The following UGT1A7 variants were observed in gnomAD, a reference collection of about 807,000 sequenced individuals.
The protein encoded by UGT1A7 is UDP glucuronosyltransferase family 1 member A7.
A neutral mutation model predicts 45.6 loss-of-function variants in UGT1A7; 33 were observed. The observed-to-expected ratio is 0.72, with a 90% CI of 0.55 to 0.97. The LOEUF is 0.97. Among genes scored for constraint, UGT1A7 ranks in the 50% least tolerant of loss-of-function variants. UGT1A7 has a pLI of 0.00. For missense variants in UGT1A7, 684 were observed against 666.2 expected (o/e 1.03, Z -0.29); for synonymous variants, 274 against 250.6 (o/e 1.09, Z -0.88).
intron 1 of UGT1A7, among the ~76,000 whole-genome samples, chr2:233,686,505 G>A (rs1407378140): frequency 6.6e-6 from 1 of 152,032 alleles, no homozygotes; most frequent in Non-Finnish European, 1.5e-5. Context: ...GTGAGCCCAG[G>A]TGGAGCCTCC....
chr2:233,688,373 T>C (rs1414345723), intron 1 of UGT1A7, among the ~76,000 whole-genome samples: 1 of 152,242 alleles, frequency 6.6e-6, no homozygotes, highest in Admixed American at 6.5e-5. Flanking sequence ...TTGTGAACAT[T>C]TGTATACGAT....
Position 233,696,065 on chromosome 2 carries a change from A to G in UGT1A7, c.855+13273A>G, listed in dbSNP as rs189342937. Among the ~76,000 whole-genome samples the G allele has an allele frequency of 2.0e-5, 3 of 152,352 alleles. No individual in the cohort carries two copies. The East Asian group carries it at 5.8e-4, about 29-fold the overall frequency. On this transcript the variant is annotated intron_variant, in intron 1 of 4. Coordinates refer to ENST00000373426, the MANE Select transcript of UGT1A7 (RefSeq NM_019077.3). ...TTGAAGAATGTAAATTAGTACAGCC[A>G]CTATGAAGAACAGTATGGAGAGTCT...
rs1422207500 is a variant in UGT1A7 at position 233,757,556 on chromosome 2, ATATATG to A, written c.856-9472_856-9467del. ...AAGGAATATATATATATATATATATATATATGTATATATGATATAGCTATAGTCTAA... is the reference window on the plus strand; with the variant it reads ...AAGGAATATATATATATATATATATATATATATGATATAGCTATAGTCTAA... On this transcript the variant is annotated intron_variant, in intron 1 of 4. Coordinates refer to ENST00000373426, the MANE Select transcript of UGT1A7 (RefSeq NM_019077.3). Among the ~76,000 whole-genome samples, 673 of 125,374 alleles carry A rather than the reference ATATATG, an allele frequency of 5.4e-3. 74 individuals carry two copies. The highest frequency in any genetic ancestry group is 0.02 in the African/African-American group (631 of 31,024). The allele number at this position is 125,374 out of a possible 152,430, so 82.3% of individuals were successfully genotyped here.
Position 233,682,483 on chromosome 2 carries a change from G to A in UGT1A7, c.546G>A (p.Gln182=), listed in dbSNP as rs1462405712. 2 of 1,613,920 alleles carry A rather than the reference G, an allele frequency of 1.2e-6. No homozygotes were observed. The highest frequency in any genetic ancestry group is 1.1e-5 in the South Asian group (1 of 91,070). ...GCCACTATCTTGAAGAAGGTGCACAGTGCCCTGCTCCTCTTTCCTATGTCC... is the reference window on the plus strand; with the variant it reads ...GCCACTATCTTGAAGAAGGTGCACAATGCCCTGCTCCTCTTTCCTATGTCC... ...IFCHYLEEGA[Q]CPAPLSYVPR... The change falls in exon 1 of 5, where the codon CAG becomes CAA. Residue 182 remains glutamine, a synonymous_variant. Transcript: ENST00000373426.
intron 1 of UGT1A7, among the ~76,000 whole-genome samples, chr2:233,766,079 G>A (rs1159217409): frequency 1.3e-5 from 2 of 152,140 alleles, no homozygotes; most frequent in East Asian, 1.9e-4. Flanking sequence ...CTACCTTGTC[G>A]CAAGGACAGA....
chr2:233,760,910 A>G (rs1375729895), intron 1 of UGT1A7: 2 of 1,614,074 alleles, frequency 1.2e-6, no homozygotes, highest in Non-Finnish European at 1.7e-6. Context: ...ACCTTCCTGC[A>G]GCGGGTGAAG....
chr2:233,684,285 C>T (rs1300653684), intron 1 of UGT1A7, among the ~76,000 whole-genome samples: 1 of 152,198 alleles, frequency 6.6e-6, no homozygotes, highest in African/African-American at 2.4e-5. Context: ...ACATGACTTT[C>T]AGCTCTTGGC....
chr2:233,731,267 C>G (rs969941483), intron 1 of UGT1A7, among the ~76,000 whole-genome samples: 13 of 149,924 alleles, frequency 8.7e-5, no homozygotes, highest in Admixed American at 3.3e-4. Context: ...TGACTGTTGC[C>G]CTTCCAGTTT....
At chr2:233,702,428 C>A (rs1245005959) in intron 1 of UGT1A7, among the ~76,000 whole-genome samples, 1 of 152,062 alleles carries the variant, frequency 6.6e-6, no homozygotes, top group African/African-American at 2.4e-5. Context: ...TTACTTCTTC[C>A]TTTCTAATAA....
chr2:233,714,773 T>G (rs2076411082), intron 1 of UGT1A7, among the ~76,000 whole-genome samples: 1 of 152,258 alleles, frequency 6.6e-6, no homozygotes, highest in African/African-American at 2.4e-5. Flanking sequence ...TATCTCAATT[T>G]GGAATAGCCA....
At chr2:233,753,951 A>G (rs1466645267) in intron 1 of UGT1A7, among the ~76,000 whole-genome samples, 1 of 152,178 alleles carries the variant, frequency 6.6e-6, no homozygotes, top group Non-Finnish European at 1.5e-5. Flanking sequence ...ATGACCTCCA[A>G]AATATTAAGA....
intron 1 of UGT1A7, chr2:233,743,939 C>T: frequency 7.4e-7 from 1 of 1,355,422 alleles, no homozygotes; most frequent in Non-Finnish European, 9.9e-7. Context: ...GAACGGCCCA[C>T]CAGGCACTGG....
chr2:233,719,465 C>T, intron 1 of UGT1A7: 3 of 1,613,994 alleles, frequency 1.9e-6, no homozygotes, highest in Non-Finnish European at 2.5e-6. Flanking sequence ...AGAACATGCT[C>T]TACCCTCTGG....
chr2:233,724,604 G>A (rs1340979109), intron 1 of UGT1A7, among the ~76,000 whole-genome samples: 2 of 132,722 alleles, frequency 1.5e-5, no homozygotes, highest in Non-Finnish European at 3.2e-5. Flanking sequence ...GACGATGGGC[G>A]GCCGGGCAGA....
In UGT1A7 at chr2:233,719,593, G is replaced by A. The variant is rs760663829; in HGVS notation, c.855+36801G>A. 68 of 1,613,802 alleles carry A rather than the reference G, an allele frequency of 4.2e-5. No homozygotes were observed. The South Asian group carries it at 4.3e-4, about 10-fold the overall frequency. On this transcript the variant is annotated intron_variant, in intron 1 of 4. Coordinates refer to ENST00000373426, the MANE Select transcript of UGT1A7 (RefSeq NM_019077.3). ...AGCTATGCATCCGTGTGGCTGTTCC[G>A]AGGGGACTTTGTGATGGACTACCCC...
chr2:233,718,714 A>G (rs1440989582), intron 1 of UGT1A7: 4 of 1,607,872 alleles, frequency 2.5e-6, no homozygotes, highest in Non-Finnish European at 3.4e-6. Flanking sequence ...TTCCAATTAC[A>G]TGCTGATTTG....
At chr2:233,725,024 G>C (rs1241696904) in intron 1 of UGT1A7, among the ~76,000 whole-genome samples, 1 of 148,280 alleles carries the variant, frequency 6.7e-6, no homozygotes, top group Non-Finnish European at 1.5e-5. Flanking sequence ...AGCAAAACCC[G>C]GTCTCCACCA....
chr2:233,724,499 A>T, intron 1 of UGT1A7, among the ~76,000 whole-genome samples: 1 of 77,576 alleles, frequency 1.3e-5, no homozygotes, highest in Admixed American at 1.3e-4. Context: ...GGCCGGGCAG[A>T]GACGCTCCTC....
At chr2:233,761,418 C>T (rs1559408324) in intron 1 of UGT1A7, among the ~76,000 whole-genome samples, 1 of 152,184 alleles carries the variant, frequency 6.6e-6, no homozygotes, top group Admixed American at 6.5e-5. Context: ...AAACAACAAG[C>T]TGTTAAATGC....
Sources: allele counts gnomAD v4.1 joint callset (sites outside exome capture counted in the v4.1 genomes callset), GRCh38; gene constraint gnomAD v4.1.1; transcripts MANE v1.5; gene names NCBI Gene and HGNC (gene_info 2026-07-23, HGNC 2026-07-21).